Variants in RGPD3 observed in about 807,000 individuals in gnomAD.
RGPD3 encodes ranBP2-like and GRIP domain-containing protein 3.
In RGPD3, 62 loss-of-function variants were observed where a neutral mutation model predicts 154.5. The observed-to-expected ratio is 0.40, with a 90% CI of 0.33 to 0.50. RGPD3 has a LOEUF of 0.50. Among genes scored for constraint, RGPD3 ranks in the 20% least tolerant of loss-of-function variants. The pLI is 0.59. For synonymous variants in RGPD3, 308 were observed against 607.0 expected, an observed-to-expected ratio of 0.51 and a Z score of 7.24; for missense variants, 919 against 1,716.8, an observed-to-expected ratio of 0.54 and a Z score of 8.21.
chr2:106,470,000 C>T (rs934710264), upstream of RGPD3, among the ~76,000 whole-genome samples: 8 of 152,074 alleles, frequency 5.3e-5, no homozygotes, highest in African/African-American at 1.9e-4. Context: ...AGTGTAAATC[C>T]CAGTTCTACC....
chr2:106,430,283 C>T (rs1298175366), intron 17 of RGPD3, among the ~76,000 whole-genome samples: 2 of 151,154 alleles, frequency 1.3e-5, no homozygotes, highest in African/African-American at 2.4e-5. Flanking sequence ...TTATCTGCTC[C>T]CATTTTCGTT....
Position 106,424,362 on chromosome 2 carries a change from A to G in RGPD3, c.3605T>C (p.Leu1202Pro). The G allele has an allele frequency of 6.2e-7, 1 of 1,611,730 alleles. No individual in the cohort carries two copies. The highest frequency in any genetic ancestry group is 1.7e-5 in the Admixed American group (1 of 60,002). The change falls in exon 20 of 23, where the codon CTG becomes CCG. Residue 1202 changes from leucine to proline, a missense_variant. By Grantham distance (98) the Leu-to-Pro change is moderately conservative. Coordinates refer to ENST00000409886, the MANE Select transcript of RGPD3 (RefSeq NM_001144013.2). ...IQRAEEMKSG[L>P]KDFKTFLTND... is the part of the protein sequence containing the mutation. ...TGTCAAAAATGTTTTGAAATCTTTC[A>G]GTCCACTCTTCATTTCTTCAGCTCT...
At chr2:106,470,397 G>C (rs1265572315), upstream of RGPD3, among the ~76,000 whole-genome samples, 1 of 152,162 alleles carries the variant, frequency 6.6e-6, no homozygotes, top group Non-Finnish European at 1.5e-5. Flanking sequence ...AGGTCCAAAC[G>C]AAGACTGACA....
intron 6 of RGPD3, among the ~76,000 whole-genome samples, chr2:106,448,255 C>T (rs62152511): frequency 1.2e-3 from 177 of 151,254 alleles, no homozygotes; most frequent in Middle Eastern, 3.4e-3. Context: ...TTACAGGCAC[C>T]TGCCACCATG....
intron 9 of RGPD3, among the ~76,000 whole-genome samples, chr2:106,437,927 T>G (rs1206763581): frequency 6.6e-6 from 1 of 152,212 alleles, no homozygotes; most frequent in Non-Finnish European, 1.5e-5. Context: ...CTCATGCCTA[T>G]AATTCCAACA....
chr2:106,416,821 CCCA>C (rs754052541), intron 20 of RGPD3, among the ~76,000 whole-genome samples: 511 of 52,304 alleles, frequency 9.8e-3, no homozygotes, highest in Non-Finnish European at 0.015. Flanking sequence ...CTATAAACTT[CCCA>C]CCACTTATTT....
chr2:106,469,742 C>G (rs1240975208), upstream of RGPD3, among the ~76,000 whole-genome samples: 1 of 152,172 alleles, frequency 6.6e-6, no homozygotes, highest in African/African-American at 2.4e-5. Context: ...CAAGGCCTCT[C>G]ATATTAATCC....
At chr2:106,461,694 A>T (rs1245435717) in intron 1 of RGPD3, among the ~76,000 whole-genome samples, 4 of 151,638 alleles carry the variant, frequency 2.6e-5, no homozygotes, top group Non-Finnish European at 5.9e-5. Flanking sequence ...TTACAATCGC[A>T]TCTAAATGAA....
chr2:106,451,058 C>G (rs1678105278), intron 6 of RGPD3, among the ~76,000 whole-genome samples: 1 of 139,216 alleles, frequency 7.2e-6, no homozygotes, highest in Non-Finnish European at 1.5e-5. Context: ...CACTGCACTC[C>G]AGCCTGGTGA....
Position 106,424,793 on chromosome 2 carries a change from T to A in RGPD3, c.3174A>T (p.Lys1058Asn). ...GTTTTACCCCCTGTGAATACAGAAC[T>A]TTTTCACCTTCTTCTCCTGTTACAA... ...VELVTGEEGEKVLYSQGVKLF... is the reference protein window; with the variant it reads ...VELVTGEEGENVLYSQGVKLF... The change falls in exon 20 of 23, where the codon AAA becomes AAT. Residue 1058 changes from lysine (K) to asparagine (N), a missense_variant. Physicochemically the swap from Lys to Asn is moderately conservative, Grantham distance 94. Coordinates refer to ENST00000409886, the MANE Select transcript of RGPD3 (RefSeq NM_001144013.2). The A allele has an allele frequency of 6.2e-7, 1 of 1,611,842 alleles. No homozygotes were observed. Among genetic ancestry groups the A allele is most frequent in the Non-Finnish European group, 8.5e-7 (1 of 1,179,836 alleles).
chr2:106,405,637 G>A (rs1676493722), intron 22 of RGPD3, among the ~76,000 whole-genome samples: 1 of 152,166 alleles, frequency 6.6e-6, no homozygotes, highest in Non-Finnish European at 1.5e-5. Flanking sequence ...CAGCCTCACA[G>A]TGTTGGGATT....
chr2:106,468,244 C>T lies in RGPD3; in HGVS notation c.45G>A (p.Val15=), dbSNP rs564927945. Residue 15 remains valine, a synonymous_variant, in exon 1 of 23, where the codon GTG becomes GTA. Coordinates refer to ENST00000409886, the MANE Select transcript of RGPD3 (RefSeq NM_001144013.2). ...KAYGERYVAS[V]QGSAPSPRKK... Reference sequence around the variant, plus strand: ...TTCGAGGCGACGGGGCGGAGCCCTGCACCGAGGCGACGTACCGCTCCCCGT... The same window carrying T: ...TTCGAGGCGACGGGGCGGAGCCCTGTACCGAGGCGACGTACCGCTCCCCGT... The T allele has an allele frequency of 7.7e-5, 123 of 1,607,824 alleles. 1 individual carries two copies. The Admixed American group carries it at 1.9e-3, about 25-fold the overall frequency.
At chr2:106,464,030 G>A (rs1372724810) in intron 1 of RGPD3, among the ~76,000 whole-genome samples, 1 of 152,180 alleles carries the variant, frequency 6.6e-6, no homozygotes, top group Non-Finnish European at 1.5e-5. Context: ...AGTTTTGGAG[G>A]AGCATAATAG....
rs1032777434 is a variant in RGPD3 at position 106,451,628 on chromosome 2, C to T, written c.782+577G>A. Among the ~76,000 whole-genome samples, 7 of 151,198 alleles carry T rather than the reference C, an allele frequency of 4.6e-5. No individual in the cohort carries two copies. The East Asian group carries it at 1.4e-3, about 30-fold the overall frequency. On this transcript the variant is annotated intron_variant, in intron 6 of 22. Transcript: ENST00000409886. ...GCCCACAAGTTCTAATCAACAACCC[C>T]TGCTCTAAACTAACATCTTTATACA...
At chr2:106,415,159 C>G (rs1676787023) in intron 21 of RGPD3, among the ~76,000 whole-genome samples, 1 of 150,178 alleles carries the variant, frequency 6.7e-6, no homozygotes, top group Non-Finnish European at 1.5e-5. Flanking sequence ...ACTTCCCATG[C>G]CACTTTGCCA....
intron 1 of RGPD3, among the ~76,000 whole-genome samples, chr2:106,465,787 G>C (rs551698030): frequency 6.6e-6 from 1 of 151,766 alleles, no homozygotes; most frequent in African/African-American, 2.4e-5. Flanking sequence ...GGGGGGCGAG[G>C]GAGGTGAGTA....
upstream of RGPD3, among the ~76,000 whole-genome samples, chr2:106,469,631 C>G (rs920111292): frequency 6.6e-6 from 1 of 152,192 alleles, no homozygotes; most frequent in African/African-American, 2.4e-5. Context: ...AATCCAGGTA[C>G]CTTCCCAGGT....
chr2:106,436,328 T>A (rs1677551064), intron 11 of RGPD3, 82 bp from the exon 12 acceptor site: 2 of 1,610,652 alleles, frequency 1.2e-6, no homozygotes, highest in Non-Finnish European at 1.7e-6. Context: ...ATGGGTCACA[T>A]GACAAATTAA....
Position 106,441,163 on chromosome 2 carries a change from T to C in RGPD3, c.1066+130A>G, listed in dbSNP as rs1677730535. Reference sequence around the variant, plus strand: ...GCATCTCTTCCATACCTATTGCTCTTAACTGATACGGCGAAAAGAAATAAT... The same window carrying C: ...GCATCTCTTCCATACCTATTGCTCTCAACTGATACGGCGAAAAGAAATAAT... On this transcript the variant is annotated intron_variant, in intron 8 of 22. Coordinates refer to ENST00000409886, the MANE Select transcript of RGPD3 (RefSeq NM_001144013.2). The C allele has an allele frequency of 1.8e-5, 24 of 1,322,608 alleles. No individual in the cohort carries two copies. In the South Asian group the frequency reaches 3.5e-4, roughly 19 times the overall value. The allele number at this position is 1,322,608 out of a possible 1,614,324, so 81.9% of individuals were successfully genotyped here.
Sources: allele counts gnomAD v4.1 joint callset (sites outside exome capture counted in the v4.1 genomes callset), GRCh38; gene constraint gnomAD v4.1.1; transcripts MANE v1.5; gene names NCBI Gene and HGNC (gene_info 2026-07-23, HGNC 2026-07-21).